The following S100Z variants were observed in gnomAD, a reference collection of about 807,000 sequenced individuals.
The protein encoded by S100Z is protein S100-Z.
A neutral mutation model predicts 8.5 loss-of-function variants in S100Z; 11 were observed. The observed-to-expected ratio is 1.30, with a 90% CI of 0.82 to 2.15. The LOEUF is 2.15. Among genes scored for constraint, S100Z ranks in the 30% most tolerant of loss-of-function variants. The probability of loss-of-function intolerance (pLI) is 0.00; values close to 1 mark genes in which losing one functional copy is unlikely to be tolerated. For synonymous variants in S100Z, 34 were observed against 43.8 expected (o/e 0.78, Z 0.89); for missense variants, 126 against 117.9 (o/e 1.07, Z -0.32).
chr5:76,860,531 A>G (rs971579765), intron 1 of S100Z, among the ~76,000 whole-genome samples: 1 of 152,148 alleles, frequency 6.6e-6, no homozygotes, highest in Non-Finnish European at 1.5e-5. Context: ...AAACAGACTC[A>G]TGACAAGTAA....
intron 4 of S100Z, among the ~76,000 whole-genome samples, chr5:76,915,200 G>A (rs1265837771): frequency 1.3e-5 from 2 of 151,918 alleles, no homozygotes; most frequent in Non-Finnish European, 2.9e-5. Flanking sequence ...CAGCTACTCG[G>A]GAGGCTGAGG....
intron 4 of S100Z, among the ~76,000 whole-genome samples, chr5:76,901,561 G>A (rs1365694010): frequency 6.6e-6 from 1 of 152,170 alleles, no homozygotes; most frequent in African/African-American, 2.4e-5. Flanking sequence ...AAGGCCCAAG[G>A]GCTCTTCAGT....
chr5:76,884,619 G>A (rs1743531478), intron 4 of S100Z, among the ~76,000 whole-genome samples: 1 of 152,220 alleles, frequency 6.6e-6, no homozygotes, highest in South Asian at 2.1e-4. Flanking sequence ...GGAAAAAGGA[G>A]CATTAACGTT....
At chr5:76,858,846 C>G (rs1206986142) in intron 1 of S100Z, among the ~76,000 whole-genome samples, 1 of 152,132 alleles carries the variant, frequency 6.6e-6, no homozygotes, top group African/African-American at 2.4e-5. Context: ...CTGGATGGCT[C>G]AGGCCTGTAA....
chr5:76,878,672 A>C (rs1435656387), intron 4 of S100Z, among the ~76,000 whole-genome samples: 1 of 152,208 alleles, frequency 6.6e-6, no homozygotes, highest in Admixed American at 6.5e-5. Context: ...GATTATATTT[A>C]TGCGTGTAAA....
At chr5:76,865,738 C>T (rs1009134936) in intron 1 of S100Z, among the ~76,000 whole-genome samples, 6 of 151,626 alleles carry the variant, frequency 4.0e-5, no homozygotes, top group African/African-American at 1.5e-4. Context: ...GTTGGCTGGG[C>T]GCAGTGGCTC....
chr5:76,941,687 G>A, the S100Z span, among the ~76,000 whole-genome samples: 2 of 151,656 alleles, frequency 1.3e-5, no homozygotes, highest in East Asian at 3.9e-4. Flanking sequence ...CTTCTCCACT[G>A]TAGAGTTACT....
At chr5:76,911,164 G>T (rs537015593) in intron 4 of S100Z, among the ~76,000 whole-genome samples, 10 of 152,208 alleles carry the variant, frequency 6.6e-5, no homozygotes, top group Non-Finnish European at 7.4e-5. Context: ...CTTATCAAAG[G>T]CAATATCCCT....
chr5:76,918,407 A>G (rs1744925733), intron 4 of S100Z, among the ~76,000 whole-genome samples: 1 of 152,258 alleles, frequency 6.6e-6, no homozygotes. Context: ...GGGTTTTGCC[A>G]TGTTGTTCAT....
At chr5:76,880,022 T>G (rs1246928125) in intron 4 of S100Z, among the ~76,000 whole-genome samples, 1 of 152,134 alleles carries the variant, frequency 6.6e-6, no homozygotes, top group East Asian at 1.9e-4. Flanking sequence ...GGTGGCGGAT[T>G]ATCATTAGTT....
At chr5:76,862,007 G>A (rs1356257168) in intron 1 of S100Z, among the ~76,000 whole-genome samples, 1 of 151,716 alleles carries the variant, frequency 6.6e-6, no homozygotes. Flanking sequence ...AAGAAGTTTC[G>A]TATTTCTCCT....
chr5:76,912,051 A>G (rs890786829), intron 4 of S100Z, among the ~76,000 whole-genome samples: 2 of 151,062 alleles, frequency 1.3e-5, no homozygotes, highest in African/African-American at 4.9e-5. Context: ...ATGTAGTAGC[A>G]AAAGGCTGGC....
chr5:76,909,159 G>A (rs1744561735), intron 4 of S100Z, among the ~76,000 whole-genome samples: 1 of 152,142 alleles, frequency 6.6e-6, no homozygotes, highest in African/African-American at 2.4e-5. Flanking sequence ...AGGCTCCAGG[G>A]ACCGTTACGG....
chr5:76,870,038 T>C (rs1376479374), intron 1 of S100Z, 128 bp from the exon 2 acceptor site: 7 of 150,644 alleles, frequency 4.6e-5, no homozygotes, highest in African/African-American at 1.5e-4. Context: ...AAAAAAAAAA[T>C]TGTGACAGAA....
intron 4 of S100Z, among the ~76,000 whole-genome samples, chr5:76,906,417 A>G (rs532975345): frequency 1.3e-5 from 2 of 152,174 alleles, no homozygotes; most frequent in South Asian, 4.2e-4. Flanking sequence ...CCTTTGACCA[A>G]CATCACTCCA....
chr5:76,944,170 C>T, the S100Z span, among the ~76,000 whole-genome samples: 3 of 152,198 alleles, frequency 2.0e-5, no homozygotes, highest in Non-Finnish European at 2.9e-5. Context: ...CTTTCAGCAC[C>T]TCCTCCTTTT....
At chr5:76,897,388 A>G (rs919379999) in intron 4 of S100Z, among the ~76,000 whole-genome samples, 9 of 152,032 alleles carry the variant, frequency 5.9e-5, no homozygotes, top group Non-Finnish European at 5.9e-5. Context: ...GCTTGCAGTG[A>G]GCCAAGATCG....
At chr5:76,881,190 C>T (rs1743391649) in intron 4 of S100Z, among the ~76,000 whole-genome samples, 1 of 152,140 alleles carries the variant, frequency 6.6e-6, no homozygotes, top group South Asian at 2.1e-4. Flanking sequence ...CCACTAAATA[C>T]CAAGAGCCTG....
At chr5:76,890,667 A>T (rs1301571833) in intron 4 of S100Z, among the ~76,000 whole-genome samples, 1 of 152,038 alleles carries the variant, frequency 6.6e-6, no homozygotes, top group East Asian at 1.9e-4. Context: ...CAAACAAACA[A>T]AAACAGGATT....
Sources: allele counts gnomAD v4.1 joint callset (sites outside exome capture counted in the v4.1 genomes callset), GRCh38; gene constraint gnomAD v4.1.1; transcripts MANE v1.5; gene names NCBI Gene and HGNC (gene_info 2026-07-23, HGNC 2026-07-21).